The following MLLT10 variants were observed in gnomAD, a reference collection of about 807,000 sequenced individuals.
MLLT10 encodes the protein protein AF-10.
MLLT10 carries 30 observed loss-of-function variants against 129.1 expected under a neutral mutation model. The observed-to-expected ratio is 0.23, with a 90% CI of 0.17 to 0.32. The LOEUF is 0.32. Among genes scored for constraint, MLLT10 ranks in the 10% least tolerant of loss-of-function variants. The pLI, the probability that MLLT10 is intolerant of heterozygous loss-of-function variation, is 1.00. For synonymous variants in MLLT10, 490 were observed against 446.4 expected (o/e 1.10, Z -1.23); for missense variants, 1,119 against 1,268.3 (o/e 0.88, Z 1.79).
Position 21,568,489 on chromosome 10 carries a change from G to A in MLLT10, c.241-17805G>A, listed in dbSNP as rs78075230. On this transcript the variant is annotated intron_variant, in intron 3 of 22. Transcript: ENST00000307729. Reference sequence around the variant, plus strand: ...TCTTTTGCTCTTCTAGTTTCTTAAGGAACAAGGTGAAATCACTGATTTGTT... The same window carrying A: ...TCTTTTGCTCTTCTAGTTTCTTAAGAAACAAGGTGAAATCACTGATTTGTT... Among the ~76,000 whole-genome samples the A allele has an allele frequency of 1.1e-4, 16 of 152,146 alleles. No individual in the cohort carries two copies. In the East Asian group the frequency reaches 2.9e-3, roughly 28 times the overall value.
chr10:21,585,287 C>T (rs1377785301), intron 3 of MLLT10, among the ~76,000 whole-genome samples: 2 of 152,096 alleles, frequency 1.3e-5, no homozygotes, highest in Non-Finnish European at 2.9e-5. Context: ...AAATAATACT[C>T]AAGTGAGACT....
At chr10:21,600,981 T>C (rs2043471417) in intron 5 of MLLT10, among the ~76,000 whole-genome samples, 1 of 152,180 alleles carries the variant, frequency 6.6e-6, no homozygotes, top group Non-Finnish European at 1.5e-5. Flanking sequence ...GGTCTTGCTG[T>C]TGCCCAGCCT....
chr10:21,692,318 G>A (rs192678177), intron 13 of MLLT10, among the ~76,000 whole-genome samples: 1 of 150,990 alleles, frequency 6.6e-6, no homozygotes, highest in East Asian at 1.9e-4. Flanking sequence ...TATCACAATG[G>A]TTATATTATT....
intron 8 of MLLT10, among the ~76,000 whole-genome samples, chr10:21,628,941 G>T (rs1383987981): frequency 1.3e-5 from 2 of 151,484 alleles, no homozygotes; most frequent in Non-Finnish European, 2.9e-5. Flanking sequence ...TGGAGACGGG[G>T]TTTCACCATG....
intron 9 of MLLT10, among the ~76,000 whole-genome samples, chr10:21,664,291 T>G (rs905546095): frequency 3.4e-5 from 5 of 146,220 alleles, no homozygotes; most frequent in African/African-American, 5.1e-5. Flanking sequence ...TATGTATGTG[T>G]TTTTTTTTTG....
Position 21,666,055 on chromosome 10 carries a change from A to T in MLLT10, c.796-4394A>T, listed in dbSNP as rs372304280. Among the ~76,000 whole-genome samples the T allele has an allele frequency of 2.6e-5, 4 of 151,590 alleles. No homozygotes were observed. The East Asian group carries it at 7.8e-4, about 29-fold the overall frequency. ...GCTAATCCTTTTCTTTTTGCCCATC[A>T]TTTCTCTTCCCTTCTCTTTCTCTGT... On this transcript the variant is annotated intron_variant, in intron 9 of 22. Transcript: ENST00000307729.
At chr10:21,609,782 T>G (rs1334049410) in intron 5 of MLLT10, among the ~76,000 whole-genome samples, 11 of 152,242 alleles carry the variant, frequency 7.2e-5, no homozygotes, top group Non-Finnish European at 2.9e-5. Context: ...AAAATAGAAT[T>G]CAGGTACTCT....
chr10:21,702,450 A>G (rs1373469983), intron 13 of MLLT10, among the ~76,000 whole-genome samples: 1 of 152,320 alleles, frequency 6.6e-6, no homozygotes, highest in African/African-American at 2.4e-5. Context: ...CATTTGGTCT[A>G]AAGTCTAGTT....
intron 3 of MLLT10, among the ~76,000 whole-genome samples, chr10:21,542,927 C>T (rs1008866950): frequency 1.3e-5 from 2 of 151,236 alleles, no homozygotes; most frequent in African/African-American, 4.8e-5. Flanking sequence ...ATTTTAACAT[C>T]ATTTGGTGGG....
chr10:21,697,594 G>A (rs2054503061), intron 13 of MLLT10, among the ~76,000 whole-genome samples: 2 of 152,190 alleles, frequency 1.3e-5, no homozygotes, highest in South Asian at 4.1e-4. Flanking sequence ...GAGTAAAAAT[G>A]TTCATCTTTA....
intron 13 of MLLT10, among the ~76,000 whole-genome samples, chr10:21,682,965 T>C (rs1266058951): frequency 6.6e-6 from 1 of 152,236 alleles, no homozygotes; most frequent in African/African-American, 2.4e-5. Context: ...TTAACAGATC[T>C]CATTTGTTCG....
At chr10:21,683,616 T>C (rs532105525) in intron 13 of MLLT10, among the ~76,000 whole-genome samples, 1 of 152,316 alleles carries the variant, frequency 6.6e-6, no homozygotes, top group East Asian at 1.9e-4. Flanking sequence ...ACCTAGTGAA[T>C]GATGTTTACC....
At chr10:21,578,488 C>A (rs188504016) in intron 3 of MLLT10, among the ~76,000 whole-genome samples, 3 of 152,162 alleles carry the variant, frequency 2.0e-5, no homozygotes, top group African/African-American at 7.2e-5. Context: ...GTTATTTTTT[C>A]TTTTATTGCC....
At chr10:21,705,076 G>C (rs2055365044) in intron 13 of MLLT10, among the ~76,000 whole-genome samples, 1 of 152,162 alleles carries the variant, frequency 6.6e-6, no homozygotes, top group Non-Finnish European at 1.5e-5. Flanking sequence ...AGTGGTAGCA[G>C]TTGGCTCTGT....
chr10:21,556,575 T>C, intron 3 of MLLT10: 1 of 1,266,636 alleles, frequency 7.9e-7, no homozygotes, highest in Non-Finnish European at 1.1e-6. Context: ...TGCAGTTTTC[T>C]AGGGCAGGTG....
In MLLT10 at chr10:21,705,725, G is replaced by T. The variant is rs1034578470; in HGVS notation, c.1700-8047G>T. On this transcript the variant is annotated intron_variant, in intron 13 of 22. Coordinates refer to ENST00000307729, the MANE Select transcript of MLLT10 (RefSeq NM_001195626.3). ...TGTATCTCTTGGCCTTAGTCCTAGCGCTGCTGGGCCCTAGGACAGTGTGTA... is the reference window on the plus strand; with the variant it reads ...TGTATCTCTTGGCCTTAGTCCTAGCTCTGCTGGGCCCTAGGACAGTGTGTA... 7.2e-5 allele frequency among the ~76,000 whole-genome samples: 11 copies of T among 152,280 alleles called. No homozygotes were observed. In the East Asian group the frequency reaches 2.1e-3, roughly 29 times the overall value.
chr10:21,604,818 A>G (rs1050312333), intron 5 of MLLT10, among the ~76,000 whole-genome samples: 3 of 151,308 alleles, frequency 2.0e-5, no homozygotes, highest in African/African-American at 7.3e-5. Context: ...CTCTAGGTGC[A>G]TTGACACGGC....
At chr10:21,584,321 A>C (rs918743775) in intron 3 of MLLT10, among the ~76,000 whole-genome samples, 3 of 150,166 alleles carry the variant, frequency 2.0e-5, no homozygotes, top group Non-Finnish European at 4.4e-5. Context: ...GCACCACCAC[A>C]TCCCGCTAAT....
At chr10:21,702,724 A>T (rs1212544445) in intron 13 of MLLT10, among the ~76,000 whole-genome samples, 2 of 151,794 alleles carry the variant, frequency 1.3e-5, no homozygotes, top group East Asian at 1.9e-4. Flanking sequence ...CTTTTATCTG[A>T]TGTAAGTATA....
Sources: gnomAD v4.1 joint callset for allele counts (sites outside exome capture counted in the v4.1 genomes callset) on GRCh38, gnomAD v4.1.1 for gene constraint, MANE v1.5 for transcripts, NCBI Gene and HGNC (gene_info 2026-07-23, HGNC 2026-07-21) for gene names.